Variants in ATR observed in about 807,000 individuals in gnomAD.
ATR encodes ATR checkpoint kinase, also known as serine/threonine-protein kinase ATR.
A neutral mutation model predicts 305.3 loss-of-function variants in ATR; 142 were observed. The observed-to-expected ratio is 0.47, with a 90% CI of 0.41 to 0.53. The LOEUF is 0.53. Among genes scored for constraint, ATR ranks in the 20% least tolerant of loss-of-function variants. The pLI is 0.00. For synonymous variants in ATR, 1,050 were observed against 1,068.1 expected, an observed-to-expected ratio of 0.98 and a Z score of 0.33; for missense variants, 2,135 against 3,133.1, an observed-to-expected ratio of 0.68 and a Z score of 7.60.
At chr3:142,509,428 T>C (rs143258429) in intron 27 of ATR, among the ~76,000 whole-genome samples, 2,751 of 152,060 alleles carry the variant, frequency 0.018, 64 homozygotes, top group African/African-American at 0.057. Context: ...CCTCCCAAAG[T>C]GCTAGGATTA....
intron 22 of ATR, 72 bp downstream of exon 22, chr3:142,523,921 C>A: frequency 6.8e-7 from 1 of 1,470,372 alleles, no homozygotes; most frequent in Non-Finnish European, 9.4e-7. Context: ...CTGAATAGTT[C>A]TTTGTAAATG....
intron 31 of ATR, chr3:142,499,337 C>A: frequency 3.0e-6 from 1 of 335,926 alleles, no homozygotes; most frequent in Non-Finnish European, 5.6e-6. Flanking sequence ...CTCTGTCACC[C>A]AGGCTGGAGT....
intron 24 of ATR, among the ~76,000 whole-genome samples, chr3:142,516,323 C>G (rs1032062319): frequency 1.3e-5 from 2 of 152,184 alleles, no homozygotes; most frequent in Non-Finnish European, 2.9e-5. Flanking sequence ...ACCTCCCAAC[C>G]TTGAATCAGT....
At chr3:142,550,384 A>G (rs1340281690) in intron 13 of ATR, 82 bp from the exon 14 acceptor site, 1 of 1,362,820 alleles carries the variant, frequency 7.3e-7, no homozygotes, top group African/African-American at 1.4e-5. Context: ...CATAGAGGGC[A>G]GTATCAAATA....
chr3:142,548,669 C>CAA (rs1185146027), intron 15 of ATR, among the ~76,000 whole-genome samples: 20 of 75,980 alleles, frequency 2.6e-4, no homozygotes, highest in African/African-American at 5.8e-4. Context: ...ACTCCCATCA[C>CAA]AAAAAAAAAA....
Position 142,566,138 on chromosome 3 carries a change from GC to G in ATR, c.274del (p.Ala92ProfsTer13). 1 of 1,614,134 alleles carries G rather than the reference GC, an allele frequency of 6.2e-7. No homozygotes were observed. The highest frequency in any genetic ancestry group is 1.3e-5 in the African/African-American group (1 of 75,030). On this transcript the variant is annotated frameshift_variant, in exon 3 of 47. Coordinates refer to ENST00000350721, the MANE Select transcript of ATR (RefSeq NM_001184.4). LOFTEE classifies it high-confidence loss of function. ...GCACTTACCAATACAACTGCCTTTG[GC>G]CTCATGGCTTCCACTCACATTTACA... ...MFVNVSGSHE[A>X]KGSCIEFSNW...
intron 23 of ATR, 81 bp from the exon 24 acceptor site, chr3:142,519,865 G>A: frequency 9.4e-7 from 1 of 1,060,102 alleles, no homozygotes; most frequent in Non-Finnish European, 1.5e-6. Context: ...ACATATCTTA[G>A]TTATAAAAAT....
In ATR at chr3:142,467,984, C is replaced by T. The variant is rs2108275959; in HGVS notation, c.6637G>A (p.Gly2213Arg). 6.2e-7 allele frequency: 1 copy of T among 1,612,968 alleles called. No individual in the cohort carries two copies. Among genetic ancestry groups the T allele is most frequent in the Non-Finnish European group, 8.5e-7 (1 of 1,179,472 alleles). ...TTATCTGTTAGGCGAGTTGCATCTCCAACAAACTTCTCTAAGGATTTTTTC... is the reference window on the plus strand; with the variant it reads ...TTATCTGTTAGGCGAGTTGCATCTCTAACAAACTTCTCTAAGGATTTTTTC... ...HMKKSLEKFVGDATRLTDKLL... is the reference protein window; with the variant it reads ...HMKKSLEKFVRDATRLTDKLL... Residue 2213 changes from glycine to arginine, a missense_variant, in exon 39 of 47, where the codon GGA (glycine) becomes AGA (arginine). By Grantham distance (125) the Gly-to-Arg change is moderately radical. Around this residue, in one of 9 missense-constraint regions of ATR, gnomAD observed 462 missense variants for 887.6 expected, o/e 0.52. Transcript: ENST00000350721.
At chr3:142,526,942 C>T (rs1344872979) in intron 21 of ATR, among the ~76,000 whole-genome samples, 1 of 151,958 alleles carries the variant, frequency 6.6e-6, no homozygotes, top group South Asian at 2.1e-4. Flanking sequence ...GCATGTGCCA[C>T]CATGCCTGGC....
At chr3:142,556,865 C>T (rs1273494304) in intron 8 of ATR, among the ~76,000 whole-genome samples, 2 of 152,070 alleles carry the variant, frequency 1.3e-5, no homozygotes, top group African/African-American at 4.8e-5. Context: ...TACTTAACTC[C>T]ATGACATTTT....
intron 33 of ATR, 80 bp from the exon 34 acceptor site, chr3:142,496,600 T>A: frequency 4.1e-6 from 6 of 1,479,438 alleles, no homozygotes; most frequent in Middle Eastern, 2.3e-4. Flanking sequence ...AATTTAAATC[T>A]AGGTCATAAA....
rs2034404226 is a variant in ATR, at chr3:142,549,668, T to C, written c.2982A>G (p.Thr994=). 6 of 1,613,530 alleles carry C rather than the reference T, an allele frequency of 3.7e-6. No homozygotes were observed. The highest frequency in any genetic ancestry group is 5.1e-6 in the Non-Finnish European group (6 of 1,179,714). The part of the protein sequence containing the change: ...FPDLNRFLTR[T]LQVLLPDLAA... ...CAAGATCAGGTAGTAGAACTTGTAA[T>C]GTCCTCTGAAAAAGAATGCAACAAT... Residue 994 remains threonine, a synonymous_variant, in exon 15 of 47, where the codon ACA becomes ACG. Transcript: ENST00000350721.
At chr3:142,563,306 G>A (rs939653263) in intron 3 of ATR, among the ~76,000 whole-genome samples, 197 bp from the exon 4 acceptor site, 4 of 152,208 alleles carry the variant, frequency 2.6e-5, no homozygotes, top group Admixed American at 6.5e-5. Context: ...TACTGCATTT[G>A]TCACAAATTG....
chr3:142,480,440 C>T (rs2030344206), intron 36 of ATR, among the ~76,000 whole-genome samples: 1 of 152,192 alleles, frequency 6.6e-6, no homozygotes, highest in Non-Finnish European at 1.5e-5. Context: ...CTGATTGTTC[C>T]TCTGGAGGTT....
chr3:142,465,851 A>T (rs1188067311), intron 40 of ATR: 1 of 171,020 alleles, frequency 5.8e-6, no homozygotes, highest in Admixed American at 5.8e-5. Context: ...CAAAAAATTT[A>T]AAAAATTAGC....
At chr3:142,558,454 G>GGAGGTTGCAGCAAGCC (rs2034752146) in intron 8 of ATR, among the ~76,000 whole-genome samples, 170 bp downstream of exon 8, 1 of 151,904 alleles carries the variant, frequency 6.6e-6, no homozygotes, top group African/African-American at 2.4e-5. Flanking sequence ...ACCTGAAGAC[G>GGAGGTTGCAGCAAGCC]GAGGTTGCAG....
intron 36 of ATR, among the ~76,000 whole-genome samples, chr3:142,479,879 C>T (rs1004308950): frequency 3.3e-5 from 5 of 152,334 alleles, no homozygotes; most frequent in South Asian, 4.1e-4. Flanking sequence ...TTGATCGAAT[C>T]GGCTACTGAA....
chr3:142,558,599 C>T (rs1460516862), intron 8 of ATR, 25 bp downstream of exon 8: 3 of 1,594,028 alleles, frequency 1.9e-6, no homozygotes, highest in Non-Finnish European at 1.7e-6. Context: ...AAACAAACCA[C>T]ACACACATTC....
rs2071457683 is a variant in ATR at position 142,476,565 on chromosome 3, T to C, written c.6222-6382A>G. 2.6e-5 allele frequency among the ~76,000 whole-genome samples: 4 copies of C among 152,224 alleles called. No homozygotes were observed. In the South Asian group the frequency reaches 8.3e-4, roughly 32 times the overall value. On this transcript the variant is annotated intron_variant, in intron 36 of 46. Transcript: ENST00000350721. ...TTTGTTCTTTTGGCTTAGGATTGAC[T>C]TGGCAATGCAGGCTCTTTTTTGGTT...
Sources: allele counts gnomAD v4.1 joint callset (sites outside exome capture counted in the v4.1 genomes callset), GRCh38; gene constraint gnomAD v4.1.1; regional missense constraint gnomAD v4.1.1; transcripts MANE v1.5; gene names NCBI Gene and HGNC (gene_info 2026-07-23, HGNC 2026-07-21).